RNF212B: variants seen among roughly 807,000 people sequenced by gnomAD.
The protein encoded by RNF212B is ring finger protein 212B.
Under a neutral mutation model 55.5 loss-of-function variants are expected in RNF212B, and 52 were observed. That is an observed-to-expected ratio of 0.94 (90% CI 0.75 to 1.18). The LOEUF is 1.18. Among genes scored for constraint, RNF212B ranks in the 50% most tolerant of loss-of-function variants. The probability of loss-of-function intolerance (pLI) is 0.00; values close to 1 mark genes in which losing one functional copy is unlikely to be tolerated. For missense variants in RNF212B, 289 were observed against 350.4 expected, an observed-to-expected ratio of 0.82 and a Z score of 1.40; for synonymous variants, 99 against 121.4, an observed-to-expected ratio of 0.82 and a Z score of 1.21.
intron 4 of RNF212B, among the ~76,000 whole-genome samples, chr14:23,246,011 T>C (rs1461134987): frequency 1.3e-5 from 2 of 152,248 alleles, no homozygotes; most frequent in Non-Finnish European, 2.9e-5. Context: ...GCCATTTTTC[T>C]GCTGTACTTT....
chr14:23,257,735 T>TA (rs1165211145), intron 4 of RNF212B, among the ~76,000 whole-genome samples: 1 of 152,038 alleles, frequency 6.6e-6, no homozygotes, highest in Non-Finnish European at 1.5e-5. Flanking sequence ...TGAGGCAAAA[T>TA]AAAAAATTAC....
chr14:23,202,581 A>G (rs762180522), intron 2 of RNF212B, among the ~76,000 whole-genome samples: 2 of 151,860 alleles, frequency 1.3e-5, no homozygotes, highest in Non-Finnish European at 2.9e-5. Context: ...GCTGGGCGTG[A>G]TGGCTCACGC....
At chr14:23,230,096 GA>G (rs1369082173) in intron 2 of RNF212B, 51 of 191,878 alleles carry the variant, frequency 2.7e-4, no homozygotes, top group African/African-American at 1.1e-3. Context: ...GCTTAATACT[GA>G]AAGTCTTGTG....
intron 13 of RNF212B, among the ~76,000 whole-genome samples, chr14:23,270,389 C>T (rs1344368710): frequency 6.6e-6 from 1 of 152,196 alleles, no homozygotes; most frequent in African/African-American, 2.4e-5. Context: ...TGGCTATTTT[C>T]CCACTCATAG....
intron 4 of RNF212B, among the ~76,000 whole-genome samples, chr14:23,253,083 C>T (rs938346927): frequency 1.3e-5 from 2 of 152,102 alleles, no homozygotes; most frequent in African/African-American, 4.8e-5. Context: ...CCACCCCCAC[C>T]CAGATTATTT....
At chr14:23,220,958 A>G (rs1480223449) in intron 2 of RNF212B, among the ~76,000 whole-genome samples, 3 of 152,206 alleles carry the variant, frequency 2.0e-5, no homozygotes, top group Non-Finnish European at 4.4e-5. Context: ...ACTGTAAAAC[A>G]ACCAGAAAAC....
intron 2 of RNF212B, among the ~76,000 whole-genome samples, chr14:23,219,110 A>G (rs1881337794): frequency 6.6e-6 from 1 of 152,208 alleles, no homozygotes; most frequent in African/African-American, 2.4e-5. Flanking sequence ...TCAAACATGA[A>G]GGAGAAATAA....
rs1375374850 is a variant in RNF212B, at chr14:23,270,550, G to A, written c.773-50G>A. On this transcript the variant is annotated intron_variant, in intron 13 of 14. Transcript: ENST00000430154. ...ACCCTGACCCACAAGTAACACTGCC[G>A]AGAAACTGCCCAAGTAAGTTATCTT... 7.3e-6 allele frequency: 10 copies of A among 1,376,364 alleles called. No individual in the cohort carries two copies. The Admixed American group carries it at 7.9e-5, about 11-fold the overall frequency. The allele number at this position is 1,376,364 out of a possible 1,614,324, so 85.3% of individuals were successfully genotyped here.
In RNF212B at chr14:23,225,672, G is replaced by T. The variant is rs1016696624; in HGVS notation, c.-1-14673G>T. ...AGGCGGGGAAGGGTAGTGGGGATGG[G>T]GTGGGGAGGAGATGGGGATAGTTAA... On this transcript the variant is annotated intron_variant, in intron 2 of 15. Coordinates refer to the RNF212B transcript ENST00000399910. 1.2e-4 allele frequency among the ~76,000 whole-genome samples: 19 copies of T among 152,082 alleles called. 1 individual carries two copies. The highest frequency in any genetic ancestry group is 7.9e-4 in the Admixed American group (12 of 15,270).
intron 2 of RNF212B, among the ~76,000 whole-genome samples, chr14:23,214,546 A>G (rs1950359582): frequency 6.6e-6 from 1 of 151,920 alleles, no homozygotes; most frequent in East Asian, 1.9e-4. Flanking sequence ...TTAATTTAAA[A>G]AAAGGACAAC....
At chr14:23,191,071 A>C (rs922906897) in intron 1 of RNF212B, among the ~76,000 whole-genome samples, 9 of 152,168 alleles carry the variant, frequency 5.9e-5, no homozygotes, top group African/African-American at 1.9e-4. Flanking sequence ...AGTCCATCGC[A>C]GGCTGCGCGC....
intron 4 of RNF212B, among the ~76,000 whole-genome samples, chr14:23,251,314 G>T (rs2140454833): frequency 6.6e-6 from 1 of 152,166 alleles, no homozygotes; most frequent in South Asian, 2.1e-4. Context: ...TACTTCACAT[G>T]TTTAGGGCTC....
intron 2 of RNF212B, among the ~76,000 whole-genome samples, chr14:23,195,841 C>T (rs996806417): frequency 1.4e-4 from 21 of 152,146 alleles, no homozygotes; most frequent in East Asian, 5.8e-4. Context: ...TCAAGGTAAA[C>T]GTTGTTTTGC....
At chr14:23,259,556 A>C (rs1885147705) in intron 5 of RNF212B, 1 of 176,574 alleles carries the variant, frequency 5.7e-6, no homozygotes, top group Non-Finnish European at 1.2e-5. Context: ...ATGTGCTGCC[A>C]AAGCAATCAC....
At chr14:23,271,073 GA>G (rs1263518917) in intron 14 of RNF212B, among the ~76,000 whole-genome samples, 1 of 152,154 alleles carries the variant, frequency 6.6e-6, no homozygotes, top group East Asian at 1.9e-4. Flanking sequence ...AAATTTATGG[GA>G]CTATGATTCT....
intron 4 of RNF212B, among the ~76,000 whole-genome samples, chr14:23,249,191 C>G (rs1594931225): frequency 6.6e-6 from 1 of 152,166 alleles, no homozygotes; most frequent in East Asian, 1.9e-4. Context: ...GGAATAAAAT[C>G]AGGTCAAGAT....
At chr14:23,222,407 C>A (rs757257525) in intron 2 of RNF212B, among the ~76,000 whole-genome samples, 13 of 152,094 alleles carry the variant, frequency 8.5e-5, no homozygotes, top group Non-Finnish European at 1.8e-4. Flanking sequence ...AATTTTTAGA[C>A]ATATACAACC....
At chr14:23,261,184 GA>G in intron 7 of RNF212B, 1 of 308,516 alleles carries the variant, frequency 3.2e-6, no homozygotes, top group South Asian at 2.8e-5. Flanking sequence ...ACAAAGGAAG[GA>G]GGAAGTAACT....
At chr14:23,221,252 A>G (rs902248098) in intron 2 of RNF212B, among the ~76,000 whole-genome samples, 23 of 152,024 alleles carry the variant, frequency 1.5e-4, no homozygotes, top group African/African-American at 5.3e-4. Context: ...AAAAAAAGAA[A>G]GAAACACGCT....
Sources: gnomAD v4.1 joint callset for allele counts (sites outside exome capture counted in the v4.1 genomes callset) on GRCh38, gnomAD v4.1.1 for gene constraint, MANE v1.5 for transcripts, NCBI Gene and HGNC (gene_info 2026-07-23, HGNC 2026-07-21) for gene names.